DIAPH3: variants seen among roughly 807,000 people sequenced by gnomAD.
DIAPH3 encodes protein diaphanous homolog 3.
A neutral mutation model predicts 144.3 loss-of-function variants in DIAPH3; 117 were observed. The observed-to-expected ratio is 0.81, with a 90% CI of 0.70 to 0.95. The LOEUF is 0.95. Among genes scored for constraint, DIAPH3 ranks in the 40% least tolerant of loss-of-function variants. The pLI is 0.00. For synonymous variants in DIAPH3, 519 were observed against 488.9 expected, an observed-to-expected ratio of 1.06 and a Z score of -0.81; for missense variants, 1,421 against 1,412.7, an observed-to-expected ratio of 1.01 and a Z score of -0.09.
chr13:59,992,502 T>C lies in DIAPH3; in HGVS notation c.1096A>G (p.Met366Val), dbSNP rs1173068470. ...DFRLHIRNEF[M>V]RCGLKEILPN... is the part of the protein sequence containing the mutation. ...AATATCTCTTTCAATCCACAACGCA[T>C]AAATTCATTTCTGATGTGAAGCCTG... The change falls in exon 10 of 28, where the codon ATG (methionine) becomes GTG (valine). Residue 366 changes from methionine to valine, a missense_variant. Met to Val is a conservative substitution (Grantham distance 21). Transcript: ENST00000400324. 6.2e-7 allele frequency: 1 copy of C among 1,611,942 alleles called. No individual in the cohort carries two copies. The highest frequency in any genetic ancestry group is 8.5e-7 in the Non-Finnish European group (1 of 1,179,058).
At chr13:59,853,261 C>G (rs1384499276) in intron 22 of DIAPH3, among the ~76,000 whole-genome samples, 1 of 152,154 alleles carries the variant, frequency 6.6e-6, no homozygotes, top group Non-Finnish European at 1.5e-5. Flanking sequence ...ACTAAAATCA[C>G]TTATTACAGT....
At position 59,794,246 on chromosome 13, in the gene DIAPH3, C is replaced by T. The variant is rs1193891214; in HGVS notation, c.3163+16542G>A. Among the ~76,000 whole-genome samples the T allele has an allele frequency of 2.6e-5, 4 of 151,970 alleles. No individual in the cohort carries two copies. In the East Asian group the frequency reaches 7.7e-4, roughly 29 times the overall value. ...TATGATGGGTTTATCTGGACATAACCCCATCAAAAGTTGAGGTGCATCTGT... is the reference window on the plus strand; with the variant it reads ...TATGATGGGTTTATCTGGACATAACTCCATCAAAAGTTGAGGTGCATCTGT... On this transcript the variant is annotated intron_variant, in intron 25 of 27. Transcript: ENST00000400324.
At chr13:60,096,619 G>C (rs1371189706) in intron 3 of DIAPH3, among the ~76,000 whole-genome samples, 1 of 152,220 alleles carries the variant, frequency 6.6e-6, no homozygotes, top group Non-Finnish European at 1.5e-5. Context: ...TCCGCCCTCA[G>C]TATGGGCAGG....
intron 1 of DIAPH3, among the ~76,000 whole-genome samples, chr13:60,158,038 G>A (rs767661043): frequency 3.7e-4 from 57 of 152,230 alleles, no homozygotes; most frequent in Non-Finnish European, 6.6e-4. Flanking sequence ...TTATATTCTA[G>A]TTTTAACCAC....
At chr13:60,028,915 C>T (rs1457883118) in intron 5 of DIAPH3, among the ~76,000 whole-genome samples, 1 of 151,968 alleles carries the variant, frequency 6.6e-6, no homozygotes, top group East Asian at 1.9e-4. Context: ...AAAAATTAGC[C>T]AGGTGTGGTG....
chr13:59,890,879 A>G (rs2045748448), intron 20 of DIAPH3, among the ~76,000 whole-genome samples: 1 of 148,870 alleles, frequency 6.7e-6, no homozygotes, highest in Non-Finnish European at 1.5e-5. Flanking sequence ...AACTAGAAAA[A>G]TACAGAATCT....
At chr13:59,887,422 C>T (rs561053240) in intron 20 of DIAPH3, among the ~76,000 whole-genome samples, 1 of 152,120 alleles carries the variant, frequency 6.6e-6, no homozygotes, top group South Asian at 2.1e-4. Flanking sequence ...ATTTGGTTGT[C>T]TTTTTCAGCG....
At chr13:59,816,032 C>T (rs958908529) in intron 24 of DIAPH3, among the ~76,000 whole-genome samples, 1 of 152,004 alleles carries the variant, frequency 6.6e-6, no homozygotes, top group Non-Finnish European at 1.5e-5. Context: ...GTTTTGAAAT[C>T]TGAATAGGAT....
At chr13:59,820,801 T>C (rs1266759619) in intron 24 of DIAPH3, among the ~76,000 whole-genome samples, 1 of 151,116 alleles carries the variant, frequency 6.6e-6, no homozygotes, top group Non-Finnish European at 1.5e-5. Flanking sequence ...TATTTAATGT[T>C]ATAATAGTAT....
chr13:59,873,361 A>T (rs2044397148), intron 21 of DIAPH3, among the ~76,000 whole-genome samples: 1 of 152,194 alleles, frequency 6.6e-6, no homozygotes, highest in South Asian at 2.1e-4. Flanking sequence ...GAGTAAAGGA[A>T]AAAGTGATAC....
intron 27 of DIAPH3, among the ~76,000 whole-genome samples, chr13:59,721,796 C>T (rs1186851521): frequency 6.6e-6 from 1 of 152,096 alleles, no homozygotes; most frequent in African/African-American, 2.4e-5. Context: ...ACCAATCCAG[C>T]CATGACAGTA....
intron 19 of DIAPH3, 88 bp from the exon 20 acceptor site, chr13:59,911,924 C>A: frequency 1.9e-6 from 2 of 1,051,316 alleles, no homozygotes; most frequent in Non-Finnish European, 2.8e-6. Flanking sequence ...GAAAGAAAAC[C>A]AGTGAAGTTA....
chr13:59,731,873 G>C (rs2035906688), intron 27 of DIAPH3, among the ~76,000 whole-genome samples: 1 of 152,102 alleles, frequency 6.6e-6, no homozygotes, highest in Non-Finnish European at 1.5e-5. Flanking sequence ...TGAATTTGAA[G>C]ATTTTTAACA....
In DIAPH3 at chr13:59,790,237, T is replaced by C. The variant is rs568155259; in HGVS notation, c.3164-15414A>G. Reference sequence around the variant, plus strand: ...CAATAGAGGTGAAGAGCTATAGCTATGGTTGCCTAGTGATGATTCCAGGGG... The same window carrying C: ...CAATAGAGGTGAAGAGCTATAGCTACGGTTGCCTAGTGATGATTCCAGGGG... On this transcript the variant is annotated intron_variant, in intron 25 of 27. Transcript: ENST00000400324. 3.3e-5 allele frequency among the ~76,000 whole-genome samples: 5 copies of C among 152,348 alleles called. No individual in the cohort carries two copies. In the East Asian group the frequency reaches 7.7e-4, roughly 24 times the overall value.
chr13:59,949,070 C>CA (rs1289277392), intron 17 of DIAPH3, among the ~76,000 whole-genome samples: 1 of 152,004 alleles, frequency 6.6e-6, no homozygotes. Context: ...GAAGAAGGAA[C>CA]AAAAAACAGA....
At chr13:59,771,276 C>T (rs976537282) in intron 27 of DIAPH3, among the ~76,000 whole-genome samples, 1 of 152,028 alleles carries the variant, frequency 6.6e-6, no homozygotes. Flanking sequence ...ATTAAAATTG[C>T]AGCTAATAAA....
chr13:60,054,226 T>C (rs974143561), intron 4 of DIAPH3, among the ~76,000 whole-genome samples: 1 of 151,940 alleles, frequency 6.6e-6, no homozygotes, highest in Non-Finnish European at 1.5e-5. Flanking sequence ...CCATAATATA[T>C]AGCCTCTAGA....
intron 27 of DIAPH3, among the ~76,000 whole-genome samples, chr13:59,686,678 TA>T (rs895324934): frequency 1.3e-5 from 2 of 152,108 alleles, no homozygotes; most frequent in African/African-American, 4.8e-5. Context: ...TATTTCGGGC[TA>T]GGGGTATAGA....
intron 27 of DIAPH3, among the ~76,000 whole-genome samples, chr13:59,675,098 G>A (rs1044243524): frequency 6.6e-6 from 1 of 152,156 alleles, no homozygotes; most frequent in African/African-American, 2.4e-5. Flanking sequence ...GTCTTGCTCT[G>A]TCGCTTGCTC....
Sources: gnomAD v4.1 joint callset for allele counts (sites outside exome capture counted in the v4.1 genomes callset) on GRCh38, gnomAD v4.1.1 for gene constraint, MANE v1.5 for transcripts, NCBI Gene and HGNC (gene_info 2026-07-23, HGNC 2026-07-21) for gene names.